Variants in FRAS1 observed in about 807,000 individuals in gnomAD.
The protein encoded by FRAS1 is Fraser extracellular matrix complex subunit 1.
A neutral mutation model predicts 435.2 loss-of-function variants in FRAS1; 290 were observed. The observed-to-expected ratio is 0.67, with a 90% CI of 0.61 to 0.73. FRAS1 has a LOEUF of 0.73. Ranked by LOEUF, FRAS1 falls within the 30% of genes least tolerant of loss-of-function variation. The probability of loss-of-function intolerance (pLI) is 0.00; values close to 1 mark genes in which losing one functional copy is unlikely to be tolerated. For synonymous variants in FRAS1, 1,800 were observed against 1,851.0 expected (o/e 0.97, Z 0.71); for missense variants, 4,860 against 5,001.5 (o/e 0.97, Z 0.85).
At chr4:78,291,790 T>C (rs892593139) in intron 14 of FRAS1, among the ~76,000 whole-genome samples, 1 of 152,078 alleles carries the variant, frequency 6.6e-6, no homozygotes, top group Non-Finnish European at 1.5e-5. Context: ...AAAAACAAAA[T>C]CCAAAAGCCT....
At chr4:78,285,374 A>C (rs563969252) in intron 13 of FRAS1, among the ~76,000 whole-genome samples, 1 of 151,844 alleles carries the variant, frequency 6.6e-6, no homozygotes, top group African/African-American at 2.4e-5. Flanking sequence ...AAAAAAGAAA[A>C]AAAAAGTGTG....
At chr4:78,069,480 T>C (rs1399955047) in intron 2 of FRAS1, among the ~76,000 whole-genome samples, 1 of 152,210 alleles carries the variant, frequency 6.6e-6, no homozygotes, top group Non-Finnish European at 1.5e-5. Context: ...GGAACAGTCA[T>C]GGCCCTGGCG....
At chr4:78,140,651 ATATACGTATATACATATGTGTATATG>A (rs1163811229) in intron 2 of FRAS1, among the ~76,000 whole-genome samples, 2 of 149,806 alleles carry the variant, frequency 1.3e-5, no homozygotes, top group Admixed American at 6.6e-5. Context: ...GTGTATATGT[ATATACGTATATACATATGTGTATATG>A]TATATGCATA....
chr4:78,229,595 G>A (rs912705850), intron 2 of FRAS1, among the ~76,000 whole-genome samples: 2 of 152,126 alleles, frequency 1.3e-5, no homozygotes, highest in African/African-American at 4.8e-5. Context: ...GCCCTAGTGT[G>A]TCCTGCCTGG....
At chr4:78,535,355 A>T (rs543989437) in intron 71 of FRAS1, among the ~76,000 whole-genome samples, 40 of 152,170 alleles carry the variant, frequency 2.6e-4, no homozygotes, top group African/African-American at 9.4e-4. Flanking sequence ...ATAGGATTTG[A>T]CCTCATCCTG....
intron 2 of FRAS1, among the ~76,000 whole-genome samples, chr4:78,118,575 G>A (rs1718805915): frequency 6.6e-6 from 1 of 152,168 alleles, no homozygotes; most frequent in South Asian, 2.1e-4. Context: ...AGACTGCTGT[G>A]CTAGCAATGA....
chr4:78,159,406 A>G (rs75763652), intron 2 of FRAS1, among the ~76,000 whole-genome samples: 127 of 152,328 alleles, frequency 8.3e-4, no homozygotes, highest in African/African-American at 3.0e-3. Flanking sequence ...TGAGAACAAT[A>G]TAAGATAGGG....
chr4:78,371,626 G>T (rs1731513131), intron 23 of FRAS1, among the ~76,000 whole-genome samples: 1 of 152,170 alleles, frequency 6.6e-6, no homozygotes, highest in Non-Finnish European at 1.5e-5. Flanking sequence ...AAACATGATT[G>T]TAGGATAATA....
chr4:78,275,052 C>T (rs1298946793), intron 9 of FRAS1, among the ~76,000 whole-genome samples: 1 of 152,072 alleles, frequency 6.6e-6, no homozygotes, highest in Non-Finnish European at 1.5e-5. Context: ...TGAATTGATC[C>T]CTTTACCATT....
At chr4:78,126,250 A>T (rs1164784651) in intron 2 of FRAS1, among the ~76,000 whole-genome samples, 2 of 151,968 alleles carry the variant, frequency 1.3e-5, no homozygotes, top group Non-Finnish European at 2.9e-5. Context: ...TGCAAAGACC[A>T]TGGGCAAGGC....
In FRAS1 at chr4:78,065,075, T is replaced by C. The variant is rs1230208449; in HGVS notation, c.77-910T>C. On this transcript the variant is annotated intron_variant, in intron 1 of 73. Coordinates refer to ENST00000512123, the MANE Select transcript of FRAS1 (RefSeq NM_025074.7). The stretch of plus-strand genomic sequence containing the variant: ...TTTATAGTGTATATATATATATATA[T>C]ATATATATACATACACACACACACA... 1.3e-3 allele frequency among the ~76,000 whole-genome samples: 148 copies of C among 115,764 alleles called. 1 individual carries two copies. In the East Asian group the frequency reaches 0.027, roughly 21 times the overall value. 75.9% of individuals were successfully genotyped at this position (115,764 alleles called of 152,430 possible). A position where few individuals can be genotyped will look rare whatever the true frequency, so the allele number is the denominator to read the frequency against.
intron 55 of FRAS1, among the ~76,000 whole-genome samples, chr4:78,478,498 T>C (rs973473624): frequency 1.3e-5 from 2 of 152,222 alleles, no homozygotes; most frequent in Admixed American, 6.5e-5. Flanking sequence ...AGAGCTCAGA[T>C]GAGAAATAAA....
At chr4:78,382,099 G>A (rs988197030) in intron 27 of FRAS1, among the ~76,000 whole-genome samples, 2 of 152,046 alleles carry the variant, frequency 1.3e-5, no homozygotes, top group Non-Finnish European at 2.9e-5. Flanking sequence ...ATGCTTCTGT[G>A]GAGTAAAAGA....
rs189233861 is a variant in FRAS1, at chr4:78,164,720, T to C, written c.109-72790T>C. Among the ~76,000 whole-genome samples, 483 of 152,294 alleles carry C rather than the reference T, an allele frequency of 3.2e-3. 2 individuals carry two copies. The highest frequency in any genetic ancestry group is 0.011 in the African/African-American group (457 of 41,578). On this transcript the variant is annotated intron_variant, in intron 2 of 73. Coordinates refer to ENST00000512123, the MANE Select transcript of FRAS1 (RefSeq NM_025074.7). ...CAACTTAGTTAATATCTTTTTCCTT[T>C]TTAAAAAGCTTTATAATATTTTCTT...
At chr4:78,484,866 C>T (rs1261032451) in intron 58 of FRAS1, among the ~76,000 whole-genome samples, 1 of 152,134 alleles carries the variant, frequency 6.6e-6, no homozygotes, top group Non-Finnish European at 1.5e-5. Flanking sequence ...AGTTCATCCT[C>T]CTTGCATTAT....
intron 1 of FRAS1, among the ~76,000 whole-genome samples, chr4:78,058,372 T>G (rs1269566316): frequency 6.6e-6 from 1 of 152,196 alleles, no homozygotes; most frequent in Non-Finnish European, 1.5e-5. Context: ...TCTCTGAAAC[T>G]GATCCTTTTT....
chr4:78,193,369 G>A lies in FRAS1; in HGVS notation c.109-44141G>A, dbSNP rs1339418795. On this transcript the variant is annotated intron_variant, in intron 2 of 73. Coordinates refer to ENST00000512123, the MANE Select transcript of FRAS1 (RefSeq NM_025074.7). The stretch of plus-strand genomic sequence containing the variant: ...TTGATCTGTCTAATGTTGACAGTGG[G>A]GTGTTAAAGTTTCCCATTATTATTG... 2.0e-5 allele frequency among the ~76,000 whole-genome samples: 3 copies of A among 152,146 alleles called. No individual in the cohort carries two copies. In the East Asian group the frequency reaches 5.8e-4, roughly 29 times the overall value.
rs1719492286 is a variant in FRAS1 at position 78,128,385 on chromosome 4, C to T, written c.108+62369C>T. On this transcript the variant is annotated intron_variant, in intron 2 of 73. Transcript: ENST00000512123. ...GTCCCACCAACAGTGTAAACATGTT[C>T]CTATTTCTCCACATCCTCTCCAGCA... is the stretch of plus-strand genomic sequence containing the variant. Among the ~76,000 whole-genome samples, 3 of 152,194 alleles carry T rather than the reference C, an allele frequency of 2.0e-5. No homozygotes were observed. The South Asian group carries it at 6.2e-4, about 32-fold the overall frequency.
chr4:78,180,963 C>T, intron 2 of FRAS1: 1 of 1,610,790 alleles, frequency 6.2e-7, no homozygotes, highest in Non-Finnish European at 8.5e-7. Context: ...CCCACCACGC[C>T]CATGTCCACC....
Sources: gnomAD v4.1 joint callset for allele counts (sites outside exome capture counted in the v4.1 genomes callset) on GRCh38, gnomAD v4.1.1 for gene constraint, MANE v1.5 for transcripts, NCBI Gene and HGNC (gene_info 2026-07-23, HGNC 2026-07-21) for gene names.